MGAM: variants seen among roughly 807,000 people sequenced by gnomAD.
The protein encoded by MGAM is maltase-glucoamylase, also known as alpha-1,4-glucosidase.
In MGAM, 253 loss-of-function variants were observed where a neutral mutation model predicts 358.8. The ratio of observed to expected loss-of-function variants is 0.71; its 90% CI spans 0.64 to 0.78. The LOEUF is 0.78. Among genes scored for constraint, MGAM ranks in the 30% least tolerant of loss-of-function variants. The pLI is 0.00. For synonymous variants in MGAM, 1,105 were observed against 1,227.1 expected, an observed-to-expected ratio of 0.90 and a Z score of 2.08; for missense variants, 3,080 against 3,432.6, an observed-to-expected ratio of 0.90 and a Z score of 2.57.
intron 2 of MGAM, among the ~76,000 whole-genome samples, chr7:141,987,922 A>T (rs76225030): frequency 0.079 from 12,011 of 152,210 alleles, 502 homozygotes; most frequent in Middle Eastern, 0.092. Context: ...CTGTTTCCTC[A>T]TTTATACATG....
intron 32 of MGAM, 124 bp from the exon 33 acceptor site, chr7:142,059,732 A>G: frequency 6.4e-7 from 1 of 1,568,098 alleles, no homozygotes; most frequent in East Asian, 2.3e-5. Context: ...ATTTCCCAGG[A>G]CTCACAGAAA....
chr7:142,013,197 C>T (rs372255418), intron 3 of MGAM, among the ~76,000 whole-genome samples: 3 of 151,906 alleles, frequency 2.0e-5, no homozygotes, highest in East Asian at 3.9e-4. Context: ...CAATACAGAT[C>T]AGAGCAGGAT....
At position 142,102,622 on chromosome 7, in the gene MGAM, G is replaced by T. The variant is rs369198285; in HGVS notation, c.7964-8G>T. 22 of 1,612,374 alleles carry T rather than the reference G, an allele frequency of 1.4e-5. No individual in the cohort carries two copies. In the Admixed American group the frequency reaches 2.8e-4, roughly 21 times the overall value. On this transcript the variant is annotated splice_polypyrimidine_tract_variant and splice_region_variant and intron_variant, in intron 68 of 70. Transcript: ENST00000475668. Reference sequence around the variant, plus strand: ...CCAGGCCATGTTTATCTTGTTTTTTGTTTGCAGATACCTATGGGAAAGGAC... The same window carrying T: ...CCAGGCCATGTTTATCTTGTTTTTTTTTTGCAGATACCTATGGGAAAGGAC...
chr7:142,008,546 A>T lies in MGAM; in HGVS notation c.168A>T (p.Thr56=). The change falls in exon 3 of 71, where the codon ACA becomes ACT. Residue 56 remains threonine, a synonymous_variant. Transcript: ENST00000475668. ...CAACTGGTACCCCAGATCCTGGGAC[A>T]ACTGGTACCCCAGATCCTGGAACAA... The part of the protein sequence containing the change: ...PGTTGTPDPG[T]TGTPDPGTTG... The T allele has an allele frequency of 6.2e-7, 1 of 1,612,872 alleles. No homozygotes were observed. The highest frequency in any genetic ancestry group is 8.5e-7 in the Non-Finnish European group (1 of 1,179,428).
At chr7:142,025,879 C>T (rs1170783753) in intron 8 of MGAM, among the ~76,000 whole-genome samples, 12 of 152,080 alleles carry the variant, frequency 7.9e-5, no homozygotes, top group African/African-American at 2.4e-4. Flanking sequence ...AGAGATGAAT[C>T]TAAGACGATT....
chr7:142,036,958 G>A lies in MGAM; in HGVS notation c.2212G>A (p.Ala738Thr), dbSNP rs782154878. 3.1e-6 allele frequency: 5 copies of A among 1,613,220 alleles called. No individual in the cohort carries two copies. The East Asian group carries it at 6.7e-5, about 22-fold the overall frequency. Residue 738 changes from alanine (A) to threonine (T), a missense_variant, in exon 18 of 71, where the codon GCC becomes ACC. Physicochemically the swap from Ala to Thr is moderately conservative, Grantham distance 58. Transcript: ENST00000475668. The stretch of plus-strand genomic sequence containing the variant: ...TGCTCACAGCCGAGGGGACACGGTG[G>A]CCAGGCCCCTTTTGCATGAGTAAGT... ...FRAHSRGDTV[A>T]RPLLHEFYED...
chr7:142,024,810 T>C (rs1332677577), intron 7 of MGAM, among the ~76,000 whole-genome samples: 6 of 152,222 alleles, frequency 3.9e-5, no homozygotes, highest in African/African-American at 1.4e-4. Flanking sequence ...CTAAAAAATA[T>C]CACAGCCTTC....
intron 21 of MGAM, among the ~76,000 whole-genome samples, chr7:142,041,993 TATATATTATATATATA>T (rs1563145418): frequency 7.2e-5 from 1 of 13,848 alleles, no homozygotes; most frequent in African/African-American, 2.6e-4. Flanking sequence ...ATATAATATA[TATATATTATATATATA>T]ATATAATATA....
chr7:142,050,040 C>A (rs972838537), intron 22 of MGAM, among the ~76,000 whole-genome samples, 195 bp from the exon 23 acceptor site: 1 of 152,096 alleles, frequency 6.6e-6, no homozygotes, highest in Non-Finnish European at 1.5e-5. Flanking sequence ...GATATAGAAA[C>A]AATCTAATTA....
chr7:142,097,020 C>T (rs1388863161), intron 65 of MGAM, among the ~76,000 whole-genome samples: 1 of 151,730 alleles, frequency 6.6e-6, no homozygotes, highest in African/African-American at 2.4e-5. Flanking sequence ...CCTCTGCCTC[C>T]CAGGTTCAAG....
In MGAM at chr7:142,059,624, C is replaced by T. The variant is rs140241376; in HGVS notation, c.3948+24C>T. On this transcript the variant is annotated intron_variant, in intron 32 of 70. Coordinates refer to ENST00000475668, the MANE Select transcript of MGAM (RefSeq NM_001365693.1). Reference sequence around the variant, plus strand: ...TGGTTAGTCCTGATGTGAATGTGTGCGGTCTGTTTGGGAGCAGGTATGGGC... The same window carrying T: ...TGGTTAGTCCTGATGTGAATGTGTGTGGTCTGTTTGGGAGCAGGTATGGGC... 2.5e-3 allele frequency: 3,992 copies of T among 1,610,082 alleles called. 48 individuals carry two copies. The African/African-American group carries it at 0.031, about 13-fold the overall frequency.
intron 22 of MGAM, among the ~76,000 whole-genome samples, chr7:142,049,886 G>T (rs778488559): frequency 3.3e-5 from 5 of 152,154 alleles, no homozygotes; most frequent in South Asian, 2.1e-4. Flanking sequence ...AAAATAGTAT[G>T]CATGTTCCTC....
At chr7:142,065,241 C>T in intron 37 of MGAM, 94 bp from the exon 38 acceptor site, 1 of 1,515,516 alleles carries the variant, frequency 6.6e-7, no homozygotes, top group South Asian at 1.2e-5. Context: ...ACGCAGCAAA[C>T]ATTGACTAGG....
intron 33 of MGAM, 90 bp from the exon 34 acceptor site, chr7:142,060,221 A>G: frequency 8.5e-6 from 13 of 1,535,562 alleles, no homozygotes; most frequent in East Asian, 2.3e-5. Context: ...TATTGCTCCT[A>G]GGAGCACGGT....
intron 3 of MGAM, among the ~76,000 whole-genome samples, chr7:142,014,326 GTCT>G (rs1554455324): frequency 1.3e-5 from 2 of 152,124 alleles, no homozygotes; most frequent in African/African-American, 4.8e-5. Flanking sequence ...GATTATTATA[GTCT>G]TCTTGGTAAT....
chr7:142,022,020 A>T (rs139329391), intron 6 of MGAM, among the ~76,000 whole-genome samples: 2 of 152,132 alleles, frequency 1.3e-5, no homozygotes, highest in East Asian at 3.9e-4. Context: ...TCCTATCGTA[A>T]GTATAGTGTT....
At chr7:141,999,219 A>T (rs954725942) in intron 1 of MGAM, among the ~76,000 whole-genome samples, 1 of 152,168 alleles carries the variant, frequency 6.6e-6, no homozygotes, top group Non-Finnish European at 1.5e-5. Context: ...TCTTCCAGAG[A>T]TGTAGTTTAG....
chr7:142,021,197 T>A, intron 5 of MGAM, 114 bp downstream of exon 5: 1 of 697,494 alleles, frequency 1.4e-6, no homozygotes, highest in Non-Finnish European at 2.4e-6. Flanking sequence ...TTTTCTATAT[T>A]GCTATTATTA....
intron 55 of MGAM, 24 bp from the exon 56 acceptor site, chr7:142,086,194 A>G (rs769611994): frequency 6.6e-7 from 1 of 1,505,290 alleles, no homozygotes. Context: ...GATTTTTCCC[A>G]ACTGACTTAT....
Sources: gnomAD v4.1 joint callset for allele counts (sites outside exome capture counted in the v4.1 genomes callset) on GRCh38, gnomAD v4.1.1 for gene constraint, MANE v1.5 for transcripts, NCBI Gene and HGNC (gene_info 2026-07-23, HGNC 2026-07-21) for gene names.